PDE4D: variants seen among roughly 807,000 people sequenced by gnomAD.
The protein encoded by PDE4D is 3',5'-cyclic-AMP phosphodiesterase 4D.
In PDE4D, 24 loss-of-function variants were observed where a neutral mutation model predicts 87.4. That is an observed-to-expected ratio of 0.27 (90% CI 0.20 to 0.39). PDE4D has a LOEUF of 0.39. Ranked by LOEUF, PDE4D falls within the 10% of genes least tolerant of loss-of-function variation. The pLI is 1.00. For synonymous variants in PDE4D, 384 were observed against 383.2 expected, an observed-to-expected ratio of 1.00 and a Z score of -0.02; for missense variants, 714 against 1,041.0, an observed-to-expected ratio of 0.69 and a Z score of 4.32.
intron 1 of PDE4D, among the ~76,000 whole-genome samples, chr5:59,757,046 C>T (rs1485857130): frequency 6.6e-6 from 1 of 152,108 alleles, no homozygotes; most frequent in Non-Finnish European, 1.5e-5. Context: ...GATCCACGTG[C>T]CTCAGCCTCC....
chr5:59,577,493 T>C (rs1823371072), intron 1 of PDE4D, among the ~76,000 whole-genome samples: 1 of 152,170 alleles, frequency 6.6e-6, no homozygotes, highest in Admixed American at 6.6e-5. Flanking sequence ...CTAGGTAAGA[T>C]ATAAGATCAT....
intron 1 of PDE4D, among the ~76,000 whole-genome samples, chr5:60,350,932 G>A (rs548915676): frequency 2.6e-5 from 4 of 152,204 alleles, no homozygotes; most frequent in African/African-American, 9.6e-5. Flanking sequence ...CATGAGCCAA[G>A]GTTCAGAGGC....
At chr5:60,026,842 C>T (rs1766681115) in intron 2 of PDE4D, among the ~76,000 whole-genome samples, 1 of 152,156 alleles carries the variant, frequency 6.6e-6, no homozygotes, top group Non-Finnish European at 1.5e-5. Flanking sequence ...GAACCGTGCT[C>T]ACTCTTCAAT....
chr5:59,957,086 A>T (rs1758914627), intron 3 of PDE4D, among the ~76,000 whole-genome samples: 1 of 152,208 alleles, frequency 6.6e-6, no homozygotes, highest in South Asian at 2.1e-4. Flanking sequence ...GCTAAAAATA[A>T]CAACATCCCT....
chr5:59,208,828 CA>C (rs1749425059), intron 2 of PDE4D, among the ~76,000 whole-genome samples: 1 of 151,972 alleles, frequency 6.6e-6, no homozygotes, highest in African/African-American at 2.4e-5. Flanking sequence ...AATTTTTAAA[CA>C]AAAAGATAGT....
chr5:60,116,833 G>T (rs1457651594), intron 2 of PDE4D, among the ~76,000 whole-genome samples: 1 of 152,032 alleles, frequency 6.6e-6, no homozygotes, highest in Non-Finnish European at 1.5e-5. Context: ...CATCTATCAT[G>T]TTAATAAGTA....
intron 1 of PDE4D, among the ~76,000 whole-genome samples, chr5:59,392,391 G>A (rs1403581718): frequency 3.3e-5 from 5 of 151,876 alleles, no homozygotes; most frequent in Non-Finnish European, 5.9e-5. Context: ...TTCAGTTTTG[G>A]AACTTGGACT....
At chr5:59,993,603 T>A (rs1459240294) in intron 2 of PDE4D, among the ~76,000 whole-genome samples, 1 of 152,200 alleles carries the variant, frequency 6.6e-6, no homozygotes, top group Non-Finnish European at 1.5e-5. Flanking sequence ...TTTAAGGATG[T>A]ATCCTAATTC....
At chr5:60,320,258 C>T (rs537495512) in intron 1 of PDE4D, among the ~76,000 whole-genome samples, 5 of 152,344 alleles carry the variant, frequency 3.3e-5, no homozygotes, top group South Asian at 2.1e-4. Flanking sequence ...AGCAAGGCTC[C>T]GTGGGCATAG....
chr5:59,033,086 C>T (rs1294482054), intron 6 of PDE4D, among the ~76,000 whole-genome samples: 1 of 152,038 alleles, frequency 6.6e-6, no homozygotes, highest in Non-Finnish European at 1.5e-5. Flanking sequence ...AAACAAGAAG[C>T]TCTGAATACT....
Position 59,427,292 on chromosome 5 carries a change from TACACACACACACACACACACACACACAC to T in PDE4D, c.456-211352_456-211325del, listed in dbSNP as rs60646746. 2.0e-4 allele frequency among the ~76,000 whole-genome samples: 27 copies of T among 132,358 alleles called. No homozygotes were observed. In the East Asian group the frequency reaches 6.6e-3, roughly 32 times the overall value. The allele number at this position is 132,358 out of a possible 152,430, so 86.8% of individuals were successfully genotyped here. On this transcript the variant is annotated intron_variant, in intron 1 of 14. Transcript: ENST00000340635. Reference sequence around the variant, plus strand: ...TGTGGCATACAGGGAAGTGATTTTATACACACACACACACACACACACACACACACACACACACACACACACGCCCCTA... The same window carrying T: ...TGTGGCATACAGGGAAGTGATTTTATACACACACACACACACACGCCCCTA...
chr5:59,520,990 C>G (rs538943907), intron 1 of PDE4D, among the ~76,000 whole-genome samples: 2 of 151,422 alleles, frequency 1.3e-5, no homozygotes, highest in Non-Finnish European at 2.9e-5. Flanking sequence ...GGAATAGAAA[C>G]GTTCCTATAG....
At chr5:59,587,605 G>C (rs1421951632) in intron 1 of PDE4D, 1 of 985,274 alleles carries the variant, frequency 1.0e-6, no homozygotes, top group East Asian at 1.1e-4. Flanking sequence ...TGCAGGCTCC[G>C]TGGTACTGTA....
At chr5:58,987,591 C>T (rs1248986402) in intron 11 of PDE4D, among the ~76,000 whole-genome samples, 1 of 152,126 alleles carries the variant, frequency 6.6e-6, no homozygotes, top group Non-Finnish European at 1.5e-5. Flanking sequence ...AATTCTATAG[C>T]TAGATTGCTA....
chr5:59,433,771 TAAAAG>T (rs925584242), intron 1 of PDE4D, among the ~76,000 whole-genome samples: 1 of 152,000 alleles, frequency 6.6e-6, no homozygotes, highest in Non-Finnish European at 1.5e-5. Flanking sequence ...TTGAGAACAT[TAAAAG>T]AAAAGGAGAA....
At chr5:59,897,850 A>T (rs1332641369), upstream of PDE4D, among the ~76,000 whole-genome samples, 1 of 152,216 alleles carries the variant, frequency 6.6e-6, no homozygotes, top group Non-Finnish European at 1.5e-5. Flanking sequence ...GTCTAATTAC[A>T]TATCCAAAGG....
At chr5:60,274,347 T>A (rs1751140974) in intron 1 of PDE4D, among the ~76,000 whole-genome samples, 1 of 147,428 alleles carries the variant, frequency 6.8e-6, no homozygotes. Context: ...GTCGTTGTTG[T>A]TGTTGTTGTT....
intron 1 of PDE4D, among the ~76,000 whole-genome samples, chr5:60,254,906 C>T (rs538749244): frequency 6.6e-6 from 1 of 151,804 alleles, no homozygotes; most frequent in Admixed American, 6.6e-5. Flanking sequence ...ATAATAAATG[C>T]TCAATTAATA....
At chr5:59,412,431 G>A (rs6861992) in intron 1 of PDE4D, among the ~76,000 whole-genome samples, 3 of 151,936 alleles carry the variant, frequency 2.0e-5, no homozygotes, top group South Asian at 4.1e-4. Flanking sequence ...CCACAATTAC[G>A]CTCTGCTTAG....
Sources: gnomAD v4.1 joint callset for allele counts (sites outside exome capture counted in the v4.1 genomes callset) on GRCh38, gnomAD v4.1.1 for gene constraint, MANE v1.5 for transcripts, NCBI Gene and HGNC (gene_info 2026-07-23, HGNC 2026-07-21) for gene names.